The following ZNF581 variants were observed in gnomAD, a reference collection of about 807,000 sequenced individuals.
The protein encoded by ZNF581 is zinc finger protein 581.
A neutral mutation model predicts 1.2 loss-of-function variants in ZNF581; 1 was observed. The observed-to-expected ratio is 0.83, with a 90% CI of 0.30 to 3.95. ZNF581 has a LOEUF of 3.95. ZNF581 is among the 30% of genes most tolerant of loss of function. The pLI, the probability that ZNF581 is intolerant of heterozygous loss-of-function variation, is 0.18. For synonymous variants in ZNF581, 105 were observed against 109.2 expected (o/e 0.96, Z 0.24); for missense variants, 273 against 274.6 (o/e 0.99, Z 0.04).
chr19:55,636,248 A>T (rs1308458932), upstream of ZNF581, among the ~76,000 whole-genome samples: 1 of 152,196 alleles, frequency 6.6e-6, no homozygotes, highest in Non-Finnish European at 1.5e-5. Context: ...ATGGTGGTCC[A>T]GGTGAGAAGG....
chr19:55,639,217 C>T (rs1000683479), upstream of ZNF581, among the ~76,000 whole-genome samples: 2 of 152,038 alleles, frequency 1.3e-5, no homozygotes, highest in Non-Finnish European at 2.9e-5. Flanking sequence ...GGTGCTACTG[C>T]CATCTGGTGG....
At chr19:55,642,916 G>C (rs2123631624), upstream of ZNF581, 3 of 1,517,268 alleles carry the variant, frequency 2.0e-6, no homozygotes, top group South Asian at 3.7e-5. Flanking sequence ...GCCACCTGTC[G>C]CGGCATCGCG....
At chr19:55,637,103 A>G (rs1294479775), upstream of ZNF581, among the ~76,000 whole-genome samples, 1 of 152,092 alleles carries the variant, frequency 6.6e-6, no homozygotes, top group African/African-American at 2.4e-5. Context: ...GGCAGGCACC[A>G]CCACCTCTGC....
Position 55,645,241 on chromosome 19 carries a change from G to C in ZNF581, c.*76G>C, listed in dbSNP as rs752762099. On this transcript the variant is annotated 3_prime_UTR_variant, in exon 2 of 2. Transcript: ENST00000270451. ...ACTCCTGTCCAGACACCTGGTGAGAGCCTGAGGCTGGTGTTCAGGGCCCTG... is the reference window on the plus strand; with the variant it reads ...ACTCCTGTCCAGACACCTGGTGAGACCCTGAGGCTGGTGTTCAGGGCCCTG... 3.0e-6 allele frequency: 4 copies of C among 1,336,380 alleles called. No homozygotes were observed. Among genetic ancestry groups the C allele is most frequent in the Non-Finnish European group, 4.0e-6 (4 of 988,616 alleles). 82.8% of individuals were successfully genotyped at this position (1,336,380 alleles called of 1,614,324 possible). A position where few individuals can be genotyped will look rare whatever the true frequency, so the allele number is the denominator to read the frequency against.
In ZNF581 at chr19:55,645,375, C is replaced by T; in HGVS notation, c.*210C>T. 1 of 483,418 alleles carries T rather than the reference C, an allele frequency of 2.1e-6. No homozygotes were observed. Among genetic ancestry groups the T allele is most frequent in the South Asian group, 5.1e-5 (1 of 19,424 alleles). 29.9% of individuals were successfully genotyped at this position (483,418 alleles called of 1,614,324 possible). ...TTCTGGAGCTGAGATGGGAATGAGC[C>T]CCTACACAGAATGGAGTCCTCTAGC... On this transcript the variant is annotated 3_prime_UTR_variant, in exon 2 of 2. Transcript: ENST00000270451.
At position 55,645,533 on chromosome 19, in the gene ZNF581, C is replaced by T. The variant is rs191375078; in HGVS notation, c.*368C>T. 2.6e-4 allele frequency: 53 copies of T among 202,318 alleles called. No homozygotes were observed. Among genetic ancestry groups the T allele is most frequent in the Admixed American group, 2.3e-3 (37 of 16,384 alleles). 12.5% of individuals were successfully genotyped at this position (202,318 alleles called of 1,614,324 possible). A position where few individuals can be genotyped will look rare whatever the true frequency, so the allele number is the denominator to read the frequency against. ...CTGCGCCATCTTCCTGGGGCTTCTG[C>T]GCTGTTGTTGGGGAAGGGACCCCAG... On this transcript the variant is annotated 3_prime_UTR_variant, in exon 2 of 2. Coordinates refer to ENST00000270451, the MANE Select transcript of ZNF581 (RefSeq NM_016535.4).
Position 55,645,105 on chromosome 19 carries a change from C to T in ZNF581, c.534C>T (p.Cys178=), listed in dbSNP as rs369725817. 29 of 1,542,360 alleles carry T rather than the reference C, an allele frequency of 1.9e-5. No individual in the cohort carries two copies. The Middle Eastern group carries it at 5.2e-4, about 28-fold the overall frequency. The change falls in exon 2 of 2, where the codon TGC becomes TGT. Residue 178 remains cysteine, a synonymous_variant. Coordinates refer to ENST00000270451, the MANE Select transcript of ZNF581 (RefSeq NM_016535.4). Reference sequence around the variant, plus strand: ...AACGCCCGTTTCAGTGTCCACACTGCCCTCGCCGCTTTATGGAGCAGAACA... The same window carrying T: ...AACGCCCGTTTCAGTGTCCACACTGTCCTCGCCGCTTTATGGAGCAGAACA... ...SGERPFQCPH[C]PRRFMEQNTL...
upstream of ZNF581, chr19:55,643,313 C>T (rs1475053572): frequency 5.0e-6 from 2 of 400,226 alleles, no homozygotes; most frequent in African/African-American, 4.2e-5. Context: ...GACATGACCT[C>T]TCTAAACCTT....
chr19:55,636,421 C>T (rs1182936885), upstream of ZNF581, among the ~76,000 whole-genome samples: 1 of 152,076 alleles, frequency 6.6e-6, no homozygotes, highest in Non-Finnish European at 1.5e-5. Context: ...GATGGTGTGG[C>T]TTCCTCATGA....
At chr19:55,640,010 G>C (rs979231519), upstream of ZNF581, 1 of 483,648 alleles carries the variant, frequency 2.1e-6, no homozygotes, top group African/African-American at 2.1e-5. Context: ...GACTGTCATA[G>C]AACTTTCCAC....
upstream of ZNF581, among the ~76,000 whole-genome samples, chr19:55,637,945 G>C (rs531520415): frequency 3.3e-5 from 5 of 152,336 alleles, no homozygotes; most frequent in Non-Finnish European, 7.3e-5. Flanking sequence ...ATAGCAGTGG[G>C]GGTGGGGGTT....
At chr19:55,643,111 C>A (rs1359848290), upstream of ZNF581, 3 of 1,306,162 alleles carry the variant, frequency 2.3e-6, no homozygotes, top group Non-Finnish European at 2.9e-6. Context: ...CCACACACAC[C>A]CCCTGGCTCT....
At chr19:55,642,538 C>T, upstream of ZNF581, 4 of 1,444,592 alleles carry the variant, frequency 2.8e-6, no homozygotes, top group Non-Finnish European at 3.6e-6. Flanking sequence ...GGCCACCCCA[C>T]CCTCGGTCCT....
In ZNF581 at chr19:55,645,140, AAC is replaced by A. The variant is rs1298065236; in HGVS notation, c.574_575del (p.Thr192AlafsTer62). 4 of 1,519,006 alleles carry A rather than the reference AAC, an allele frequency of 2.6e-6. No homozygotes were observed. The highest frequency in any genetic ancestry group is 2.3e-5 in the East Asian group (1 of 43,806). The allele number at this position is 1,519,006 out of a possible 1,614,324, so 94.1% of individuals were successfully genotyped here. On this transcript the variant is annotated frameshift_variant, in exon 2 of 2. Transcript: ENST00000270451. LOFTEE classifies it high-confidence loss of function. Reference sequence around the variant, plus strand: ...TTTATGGAGCAGAACACACTGCAGAAACACACGCGGTGGAAGCATCCATGAGC... The same window carrying A: ...TTTATGGAGCAGAACACACTGCAGAAACACGCGGTGGAAGCATCCATGAGC...
At chr19:55,641,047 C>T, upstream of ZNF581, 4 of 985,158 alleles carry the variant, frequency 4.1e-6, no homozygotes, top group Non-Finnish European at 4.8e-6. Flanking sequence ...CCCGCGCCCC[C>T]AGTCCCCGCG....
chr19:55,642,628 C>T, upstream of ZNF581: 2 of 1,449,174 alleles, frequency 1.4e-6, no homozygotes, highest in Non-Finnish European at 1.8e-6. Flanking sequence ...CCACTCCTTC[C>T]TCGGCGGCGG....
At chr19:55,642,764 C>T (rs948195231), upstream of ZNF581, 6 of 1,544,106 alleles carry the variant, frequency 3.9e-6, no homozygotes, top group African/African-American at 8.3e-5. Context: ...CCCAGGAGAG[C>T]CCGGCCCTCG....
chr19:55,637,653 C>T (rs558379202), upstream of ZNF581, among the ~76,000 whole-genome samples: 2 of 152,162 alleles, frequency 1.3e-5, no homozygotes, highest in African/African-American at 2.4e-5. Flanking sequence ...GTGGCAGCGG[C>T]GATGGTGGGA....
rs1307162469 is a variant in ZNF581 at position 55,645,203 on chromosome 19, G to A, written c.*38G>A. ...GGTGCCCCAGGTACCACAGGACTTT[G>A]CAGGGAGCCTGGACTCCTGTCCAGA... is the stretch of plus-strand genomic sequence containing the variant. On this transcript the variant is annotated 3_prime_UTR_variant, in exon 2 of 2. Transcript: ENST00000270451. The A allele has an allele frequency of 1.3e-6, 2 of 1,497,046 alleles. No individual in the cohort carries two copies. Among genetic ancestry groups the A allele is most frequent in the African/African-American group, 1.4e-5 (1 of 71,308 alleles). 92.7% of individuals were successfully genotyped at this position (1,497,046 alleles called of 1,614,324 possible). A position where few individuals can be genotyped will look rare whatever the true frequency, so the allele number is the denominator to read the frequency against.
Sources: gnomAD v4.1 joint callset for allele counts (sites outside exome capture counted in the v4.1 genomes callset) on GRCh38, gnomAD v4.1.1 for gene constraint, MANE v1.5 for transcripts, NCBI Gene and HGNC (gene_info 2026-07-23, HGNC 2026-07-21) for gene names.